AIF1L: variants seen among roughly 807,000 people sequenced by gnomAD.
The protein encoded by AIF1L is allograft inflammatory factor 1-like.
A neutral mutation model predicts 20.7 loss-of-function variants in AIF1L; 12 were observed. The ratio of observed to expected loss-of-function variants is 0.58; its 90% CI spans 0.37 to 0.94. The LOEUF (loss-of-function observed/expected upper bound fraction) is 0.94, where lower values mean the gene tolerates loss of function less well. Among genes scored for constraint, AIF1L ranks in the 40% least tolerant of loss-of-function variants. AIF1L has a pLI of 0.01. For synonymous variants in AIF1L, 76 were observed against 65.1 expected (o/e 1.17, Z -0.81); for missense variants, 173 against 185.3 (o/e 0.93, Z 0.39).
chr9:131,096,968 C>A, intron 2 of AIF1L, 105 bp downstream of exon 2: 1 of 1,271,384 alleles, frequency 7.9e-7, no homozygotes. Context: ...TACCCTCTTC[C>A]TTCCCTTCCC....
chr9:131,106,389 G>A lies in AIF1L; in HGVS notation c.94-5208G>A. On this transcript the variant is annotated intron_variant, in intron 2 of 5. Coordinates refer to ENST00000247291, the MANE Select transcript of AIF1L (RefSeq NM_031426.4). The stretch of plus-strand genomic sequence containing the variant: ...GAGGGTGTAGTAACCTCAGTAAGCA[G>A]TGGCAGTGGAAATCATGTTTGGAGG... The A allele has an allele frequency of 5.5e-6, 4 of 731,010 alleles. No individual in the cohort carries two copies. In the South Asian group the frequency reaches 6.5e-5, roughly 12 times the overall value. The allele number at this position is 731,010 out of a possible 1,614,324, so 45.3% of individuals were successfully genotyped here. A position where few individuals can be genotyped will look rare whatever the true frequency, so the allele number is the denominator to read the frequency against.
rs2133419591 is a variant in AIF1L at position 131,122,475 on chromosome 9, T to TC, written c.*2153_*2154insC. ...TACCCCCACCCTGCCCTGTTTTTTG[T>TC]TTTTTTTTTCCCCAAGATCATTAGA... is the stretch of plus-strand genomic sequence containing the variant. On this transcript the variant is annotated 3_prime_UTR_variant, in exon 6 of 6. Coordinates refer to ENST00000247291, the MANE Select transcript of AIF1L (RefSeq NM_031426.4). 1 of 81,830 alleles carries TC rather than the reference T, an allele frequency of 1.2e-5. No homozygotes were observed. Among genetic ancestry groups the TC allele is most frequent in the South Asian group, 4.1e-4 (1 of 2,416 alleles). 5.1% of individuals were successfully genotyped at this position (81,830 alleles called of 1,614,324 possible). A position where few individuals can be genotyped will look rare whatever the true frequency, so the allele number is the denominator to read the frequency against.
chr9:131,098,523 C>T (rs943534423), intron 2 of AIF1L, among the ~76,000 whole-genome samples: 1 of 151,596 alleles, frequency 6.6e-6, no homozygotes, highest in African/African-American at 2.4e-5. Flanking sequence ...CCACAGCCAG[C>T]GGGACCCTGA....
In AIF1L at chr9:131,120,985, TGCAGGCA is replaced by T; in HGVS notation, c.*666_*672del. ...CAGTCCTGCTCTCTGGCCACACCTGTGCAGGCAGCTGAGAGGCAGCGTGCAGCCCTAC... is the reference window on the plus strand; with the variant it reads ...CAGTCCTGCTCTCTGGCCACACCTGTGCTGAGAGGCAGCGTGCAGCCCTAC... On this transcript the variant is annotated 3_prime_UTR_variant, in exon 6 of 6. Coordinates refer to ENST00000247291, the MANE Select transcript of AIF1L (RefSeq NM_031426.4). 1.6e-6 allele frequency: 1 copy of T among 609,444 alleles called. No individual in the cohort carries two copies. The highest frequency in any genetic ancestry group is 2.8e-5 in the East Asian group (1 of 35,098). 37.8% of individuals were successfully genotyped at this position (609,444 alleles called of 1,614,324 possible). A position where few individuals can be genotyped will look rare whatever the true frequency, so the allele number is the denominator to read the frequency against.
intron 2 of AIF1L, among the ~76,000 whole-genome samples, chr9:131,105,180 C>A (rs1830718320): frequency 6.6e-6 from 1 of 152,132 alleles, no homozygotes; most frequent in East Asian, 1.9e-4. Context: ...AGAGGTGGAG[C>A]AGGCGTGGCA....
chr9:131,110,546 C>G (rs1433360786), intron 2 of AIF1L, among the ~76,000 whole-genome samples: 1 of 150,270 alleles, frequency 6.7e-6, no homozygotes, highest in Non-Finnish European at 1.5e-5. Context: ...CTCTGTCTCC[C>G]AGGCTGGAGT....
chr9:131,109,337 T>C (rs1426683382), intron 2 of AIF1L, among the ~76,000 whole-genome samples: 1 of 152,020 alleles, frequency 6.6e-6, no homozygotes, highest in African/African-American at 2.4e-5. Flanking sequence ...GGTGGGCGGA[T>C]CACATGAGGC....
intron 4 of AIF1L, among the ~76,000 whole-genome samples, chr9:131,116,052 CA>C (rs1175057499): frequency 6.6e-6 from 1 of 150,758 alleles, no homozygotes; most frequent in East Asian, 1.9e-4. Context: ...CACAGCAAGA[CA>C]AAAAGACAAA....
chr9:131,097,479 G>GCCTCCCT (rs1830554702), intron 2 of AIF1L, among the ~76,000 whole-genome samples: 1 of 152,156 alleles, frequency 6.6e-6, no homozygotes. Flanking sequence ...CCAGCCTCCC[G>GCCTCCCT]CCTCCCTCAA....
At chr9:131,100,298 C>T (rs372571895) in intron 2 of AIF1L, among the ~76,000 whole-genome samples, 3 of 152,158 alleles carry the variant, frequency 2.0e-5, no homozygotes, top group Admixed American at 6.5e-5. Context: ...GTGGGGGAGC[C>T]GCATGAAAAT....
intron 2 of AIF1L, among the ~76,000 whole-genome samples, chr9:131,101,564 C>T (rs1004793153): frequency 3.3e-5 from 5 of 151,736 alleles, no homozygotes; most frequent in African/African-American, 9.7e-5. Context: ...AGGCTGGTCT[C>T]GAACTCCTAA....
At position 131,118,010 on chromosome 9, in the gene AIF1L, C is replaced by A. The variant is rs1477662688; in HGVS notation, c.365+92C>A. On this transcript the variant is annotated intron_variant, in intron 5 of 5. Coordinates refer to ENST00000247291, the MANE Select transcript of AIF1L (RefSeq NM_031426.4). ...CTCTGGGCACCCCAGCCATTCCCCA[C>A]CTAGTAGGTAACTCATTGTGCGACC... 1.3e-5 allele frequency: 18 copies of A among 1,381,522 alleles called. No homozygotes were observed. The South Asian group carries it at 2.7e-4, about 20-fold the overall frequency. The allele number at this position is 1,381,522 out of a possible 1,614,324, so 85.6% of individuals were successfully genotyped here.
At chr9:131,107,660 C>T (rs917788645) in intron 2 of AIF1L, among the ~76,000 whole-genome samples, 1 of 152,238 alleles carries the variant, frequency 6.6e-6, no homozygotes, top group African/African-American at 2.4e-5. Context: ...CTCATGGCAA[C>T]AGTCAATGGC....
intron 5 of AIF1L, among the ~76,000 whole-genome samples, chr9:131,119,321 T>G (rs541474830): frequency 6.6e-6 from 1 of 152,102 alleles, no homozygotes; most frequent in African/African-American, 2.4e-5. Flanking sequence ...GTCAACATGG[T>G]GAAACCCCGT....
At chr9:131,096,997 C>A in intron 2 of AIF1L, 134 bp downstream of exon 2, 1 of 1,000,526 alleles carries the variant, frequency 1.0e-6, no homozygotes, top group Non-Finnish European at 1.4e-6. Context: ...CCCTCAGGTG[C>A]CTCCCTCCGC....
chr9:131,118,641 A>G (rs1040854280), intron 5 of AIF1L, among the ~76,000 whole-genome samples: 1 of 149,140 alleles, frequency 6.7e-6, no homozygotes, highest in Non-Finnish European at 1.5e-5. Context: ...CCGCCTCCTG[A>G]GCTCAAGTGA....
chr9:131,114,614 G>T lies in AIF1L; in HGVS notation c.198G>T (p.Glu66Asp). Residue 66 changes from glutamate (E) to aspartate (D), a missense_variant, in exon 4 of 6, where the codon GAG becomes GAT. By Grantham distance (45) the Glu-to-Asp change is conservative. Transcript: ENST00000247291. ...AGTTTGACCTGAACAATGAAGGCGA[G>T]ATTGGTGAGTGAAGCCTTGAGTGTG... ...YMEFDLNNEG[E>D]IDLMSLKRMM... The T allele has an allele frequency of 6.2e-7, 1 of 1,614,170 alleles. No homozygotes were observed. Among genetic ancestry groups the T allele is most frequent in the Non-Finnish European group, 8.5e-7 (1 of 1,179,988 alleles).
rs540890868 is a variant in AIF1L, at chr9:131,114,659, A to G, written c.202+41A>G. ...AGTGTGTTTAGGGAGGAGGGTGTTA[A>G]GTGGGTAGAGGGCTTGAGGGACCCT... On this transcript the variant is annotated intron_variant, in intron 4 of 5. Coordinates refer to ENST00000247291, the MANE Select transcript of AIF1L (RefSeq NM_031426.4). 1.9e-6 allele frequency: 3 copies of G among 1,612,322 alleles called. No individual in the cohort carries two copies. The South Asian group carries it at 3.3e-5, about 18-fold the overall frequency.
chr9:131,118,014 G>T (rs1009552084), intron 5 of AIF1L, 96 bp downstream of exon 5: 2 of 1,351,864 alleles, frequency 1.5e-6, no homozygotes, highest in Admixed American at 4.9e-5. Flanking sequence ...TCCCCACCTA[G>T]TAGGTAACTC....
Sources: allele counts gnomAD v4.1 joint callset (sites outside exome capture counted in the v4.1 genomes callset), GRCh38; gene constraint gnomAD v4.1.1; transcripts MANE v1.5; gene names NCBI Gene and HGNC (gene_info 2026-07-23, HGNC 2026-07-21).